VPS13B: variants seen among roughly 807,000 people sequenced by gnomAD.
VPS13B encodes intermembrane lipid transfer protein VPS13B.
In VPS13B, 285 loss-of-function variants were observed where a neutral mutation model predicts 426.4. The observed-to-expected ratio is 0.67, with a 90% CI of 0.61 to 0.74. The LOEUF is 0.74. Among genes scored for constraint, VPS13B ranks in the 30% least tolerant of loss-of-function variants. VPS13B has a pLI of 0.00. For synonymous variants in VPS13B, 1,676 were observed against 1,676.4 expected, an observed-to-expected ratio of 1.00 and a Z score of 0.01; for missense variants, 4,537 against 4,782.6, an observed-to-expected ratio of 0.95 and a Z score of 1.51.
chr8:99,870,736 T>G (rs1817361143), intron 59 of VPS13B, 49 bp from the exon 60 acceptor site: 1 of 1,560,998 alleles, frequency 6.4e-7, no homozygotes, highest in African/African-American at 1.4e-5. Flanking sequence ...AGCATGAAAC[T>G]GTTTTCCAGA....
intron 16 of VPS13B, among the ~76,000 whole-genome samples, chr8:99,183,739 A>G (rs777997569): frequency 1.5e-4 from 23 of 152,160 alleles, no homozygotes; most frequent in Non-Finnish European, 2.4e-4. Flanking sequence ...GTAAACTATA[A>G]GTATTCATTT....
chr8:99,602,122 A>G (rs1588538405), intron 33 of VPS13B, among the ~76,000 whole-genome samples: 2 of 152,182 alleles, frequency 1.3e-5, no homozygotes, highest in South Asian at 2.1e-4. Flanking sequence ...TAGGGTTTTT[A>G]TAGTTTTAGT....
At chr8:99,084,719 G>A (rs184839867) in intron 3 of VPS13B, among the ~76,000 whole-genome samples, 18 of 152,320 alleles carry the variant, frequency 1.2e-4, no homozygotes, top group Admixed American at 6.5e-4. Context: ...GTAGCCAGTA[G>A]TCATTCAGGA....
At chr8:99,575,893 A>C (rs909660854) in intron 32 of VPS13B, 109 bp downstream of exon 32, 32 of 1,068,066 alleles carry the variant, frequency 3.0e-5, no homozygotes, top group Non-Finnish European at 4.3e-5. Context: ...TTAGCTCATT[A>C]ATAATAATGG....
intron 21 of VPS13B, among the ~76,000 whole-genome samples, chr8:99,405,837 G>T (rs1474739940): frequency 6.7e-6 from 1 of 149,848 alleles, no homozygotes; most frequent in Non-Finnish European, 1.5e-5. Context: ...GGAGTGTAGT[G>T]GCGTGATCTT....
At chr8:99,567,357 A>T (rs1006840689) in intron 31 of VPS13B, among the ~76,000 whole-genome samples, 9 of 152,182 alleles carry the variant, frequency 5.9e-5, no homozygotes, top group African/African-American at 1.9e-4. Context: ...ATTTTAATTT[A>T]GTATGCTCAT....
chr8:99,168,539 T>C (rs1162562139), intron 15 of VPS13B, among the ~76,000 whole-genome samples: 2 of 152,082 alleles, frequency 1.3e-5, no homozygotes, highest in African/African-American at 4.8e-5. Flanking sequence ...TGTATTGTTA[T>C]AATAATAACT....
chr8:99,579,215 A>C (rs1350026429), intron 33 of VPS13B, among the ~76,000 whole-genome samples: 1 of 152,218 alleles, frequency 6.6e-6, no homozygotes, highest in Non-Finnish European at 1.5e-5. Flanking sequence ...ATTTTAGAAA[A>C]GACCTACAGT....
chr8:99,734,581 C>CT (rs1833741932), intron 39 of VPS13B, among the ~76,000 whole-genome samples: 2 of 152,188 alleles, frequency 1.3e-5, no homozygotes, highest in African/African-American at 2.4e-5. Context: ...TAAGTGCTTG[C>CT]TGAGACACTT....
intron 3 of VPS13B, among the ~76,000 whole-genome samples, chr8:99,077,534 T>C (rs1472325427): frequency 1.3e-5 from 2 of 152,178 alleles, no homozygotes; most frequent in Admixed American, 6.5e-5. Context: ...TTTTTTTCTT[T>C]TAATATTTTG....
chr8:99,465,692 A>G (rs1012691119), intron 23 of VPS13B, among the ~76,000 whole-genome samples: 12 of 152,086 alleles, frequency 7.9e-5, no homozygotes, highest in African/African-American at 2.7e-4. Flanking sequence ...CAGAGCCTTT[A>G]TTTTTTAAAT....
intron 15 of VPS13B, among the ~76,000 whole-genome samples, chr8:99,163,421 C>T (rs1006441585): frequency 6.6e-6 from 1 of 152,190 alleles, no homozygotes; most frequent in Non-Finnish European, 1.5e-5. Flanking sequence ...CTTGGGTGGT[C>T]GATGGGACTG....
At chr8:99,551,699 A>T (rs1019598955) in intron 30 of VPS13B, among the ~76,000 whole-genome samples, 1 of 151,946 alleles carries the variant, frequency 6.6e-6, no homozygotes, top group Non-Finnish European at 1.5e-5. Flanking sequence ...AATACAAGAA[A>T]CTTAGAACAT....
chr8:99,146,657 T>G (rs1810742435), intron 13 of VPS13B, among the ~76,000 whole-genome samples: 1 of 152,120 alleles, frequency 6.6e-6, no homozygotes, highest in South Asian at 2.1e-4. Flanking sequence ...ACTGTAGCCT[T>G]GATATCCTAA....
chr8:99,418,722 T>C (rs1198565623), intron 21 of VPS13B, among the ~76,000 whole-genome samples: 3 of 151,990 alleles, frequency 2.0e-5, no homozygotes, highest in Non-Finnish European at 4.4e-5. Flanking sequence ...CTAATAACAC[T>C]TTATCTTAGT....
chr8:99,189,203 C>T (rs1313559889), intron 16 of VPS13B, among the ~76,000 whole-genome samples: 1 of 152,248 alleles, frequency 6.6e-6, no homozygotes. Flanking sequence ...CCTGCCTCGG[C>T]CTCCCAGAGT....
At chr8:99,700,865 A>G (rs1832245401) in intron 36 of VPS13B, among the ~76,000 whole-genome samples, 2 of 152,166 alleles carry the variant, frequency 1.3e-5, no homozygotes, top group African/African-American at 4.8e-5. Context: ...TCTGAAAGTA[A>G]ATGTAGCAAA....
intron 39 of VPS13B, among the ~76,000 whole-genome samples, chr8:99,743,547 G>A (rs573018992): frequency 1.3e-5 from 2 of 152,176 alleles, no homozygotes; most frequent in Non-Finnish European, 2.9e-5. Flanking sequence ...AAAGCTGGAG[G>A]TATCACGCTA....
chr8:99,776,695 C>A lies in VPS13B; in HGVS notation c.7248-80C>A, dbSNP rs1039151197. On this transcript the variant is annotated intron_variant, in intron 40 of 61. Transcript: ENST00000357162. ...GGATTTTCAGTACTAGTTTTAGAAA[C>A]CCTTATAAAAAGACGTTTCACTCAT... is the stretch of plus-strand genomic sequence containing the variant. 1.2e-5 allele frequency: 16 copies of A among 1,326,642 alleles called. No individual in the cohort carries two copies. In the African/African-American group the frequency reaches 1.4e-4, roughly 12 times the overall value. The allele number at this position is 1,326,642 out of a possible 1,614,324, so 82.2% of individuals were successfully genotyped here. A position where few individuals can be genotyped will look rare whatever the true frequency, so the allele number is the denominator to read the frequency against.
Sources: allele counts gnomAD v4.1 joint callset (sites outside exome capture counted in the v4.1 genomes callset), GRCh38; gene constraint gnomAD v4.1.1; transcripts MANE v1.5; gene names NCBI Gene and HGNC (gene_info 2026-07-23, HGNC 2026-07-21).